ENTPD4: variants seen among roughly 807,000 people sequenced by gnomAD.
ENTPD4 encodes the protein Golgi UDPase.
ENTPD4 carries 60 observed loss-of-function variants against 79.1 expected under a neutral mutation model. The ratio of observed to expected loss-of-function variants is 0.76; its 90% CI spans 0.62 to 0.94. The LOEUF (loss-of-function observed/expected upper bound fraction) is 0.94, where lower values mean the gene tolerates loss of function less well. Among genes scored for constraint, ENTPD4 ranks in the 40% least tolerant of loss-of-function variants. The pLI, the probability that ENTPD4 is intolerant of heterozygous loss-of-function variation, is 0.00. For missense variants in ENTPD4, 772 were observed against 775.1 expected (o/e 1.00, Z 0.05); for synonymous variants, 276 against 292.0 (o/e 0.95, Z 0.56).
chr8:23,437,399 C>T (rs1800586719), intron 9 of ENTPD4, 141 bp from the exon 10 acceptor site: 1 of 625,688 alleles, frequency 1.6e-6, no homozygotes. Context: ...GAAAAGGGTT[C>T]CGAGATAATT....
chr8:23,450,067 G>T (rs11777391), intron 1 of ENTPD4, 70 bp from the exon 2 acceptor site: 253,663 of 781,338 alleles, frequency 0.32, 42,272 homozygotes, highest in East Asian at 0.44. Context: ...CTTTAAGTGT[G>T]TGCTTAAATC....
Position 23,433,031 on chromosome 8 carries a change from C to G in ENTPD4, c.1746G>C (p.Leu582=). The change falls in exon 13 of 13, where the codon CTG becomes CTC. Residue 582 remains leucine (L), a synonymous_variant. Coordinates refer to ENST00000358689, the MANE Select transcript of ENTPD4 (RefSeq NM_004901.5). The stretch of plus-strand genomic sequence containing the variant: ...GCCTGTGGATGCGCCGCAGCCGCAG[C>G]AGGTACAGCAGGATGGCCAGCAGCA... ...LVVLLAILLY[L]LRLRRIHRRT... is the part of the protein sequence containing the mutation. 6.2e-7 allele frequency: 1 copy of G among 1,614,118 alleles called. No homozygotes were observed. The highest frequency in any genetic ancestry group is 8.5e-7 in the Non-Finnish European group (1 of 1,180,016).
At position 23,457,636 on chromosome 8, in the gene ENTPD4, C is replaced by G. The variant is rs1422482335; in HGVS notation, c.-177G>C. 6.6e-6 allele frequency: 1 copy of G among 151,780 alleles called. No homozygotes were observed. The highest frequency in any genetic ancestry group is 6.6e-5 in the Admixed American group (1 of 15,234). 9.4% of individuals were successfully genotyped at this position (151,780 alleles called of 1,614,324 possible). On this transcript the variant is annotated 5_prime_UTR_variant, in exon 1 of 13. Coordinates refer to ENST00000358689, the MANE Select transcript of ENTPD4 (RefSeq NM_004901.5). ...CGGCCAGCCGGCTTCCTGGAGGCCGCGCTCCTTTCCTGGAGCCGCACCCCC... is the reference window on the plus strand; with the variant it reads ...CGGCCAGCCGGCTTCCTGGAGGCCGGGCTCCTTTCCTGGAGCCGCACCCCC...
chr8:23,441,622 T>C lies in ENTPD4; in HGVS notation c.829A>G (p.Thr277Ala). 1 of 1,614,038 alleles carries C rather than the reference T, an allele frequency of 6.2e-7. No homozygotes were observed. Among genetic ancestry groups the C allele is most frequent in the Non-Finnish European group, 8.5e-7 (1 of 1,180,016 alleles). ...TTGGGGACTTCGTACGCTATCTGAG[T>C]CGACACGCCGCCCATGTCGAGAATG... ...AGILDMGGVS[T>A]QIAYEVPKTV... The change falls in exon 8 of 13, where the codon ACT becomes GCT. Residue 277 changes from threonine (T) to alanine (A), a missense_variant. Coordinates refer to ENST00000358689, the MANE Select transcript of ENTPD4 (RefSeq NM_004901.5).
intron 9 of ENTPD4, 55 bp from the exon 10 acceptor site, chr8:23,437,313 G>A: frequency 7.3e-7 from 1 of 1,373,026 alleles, no homozygotes. Context: ...GTGTTTTCAG[G>A]AAGTGGCTGC....
rs141362003 is a variant in ENTPD4, at chr8:23,431,894, G to A, written c.*1032C>T. ...TGGAATAAGGAGCGTAATTACCTGC[G>A]GTCAGGAAAAGATAACAGTAACGAG... On this transcript the variant is annotated 3_prime_UTR_variant, in exon 13 of 13. Coordinates refer to ENST00000358689, the MANE Select transcript of ENTPD4 (RefSeq NM_004901.5). 198 of 985,286 alleles carry A rather than the reference G, an allele frequency of 2.0e-4. No individual in the cohort carries two copies. In the African/African-American group the frequency reaches 2.1e-3, roughly 11 times the overall value. 61.0% of individuals were successfully genotyped at this position (985,286 alleles called of 1,614,324 possible).
intron 1 of ENTPD4, among the ~76,000 whole-genome samples, chr8:23,455,004 T>G (rs1800933339): frequency 6.6e-6 from 1 of 152,162 alleles, no homozygotes; most frequent in African/African-American, 2.4e-5. Flanking sequence ...AAGCCTAAAT[T>G]GTGTTAGACC....
At chr8:23,434,034 G>A (rs1800509465) in intron 12 of ENTPD4, 3 of 401,494 alleles carry the variant, frequency 7.5e-6, no homozygotes, top group South Asian at 4.8e-5. Context: ...TAAGAACCCC[G>A]GAACTGACCC....
chr8:23,449,308 T>C (rs891945804), intron 2 of ENTPD4, among the ~76,000 whole-genome samples: 1 of 152,194 alleles, frequency 6.6e-6, no homozygotes, highest in African/African-American at 2.4e-5. Context: ...GTAAGGATGA[T>C]GAGACCAAAC....
rs1554488490 is a variant in ENTPD4, at chr8:23,434,531, G to GCGCA, written c.1461-54_1461-53insTGCG. On this transcript the variant is annotated intron_variant, in intron 11 of 12. Transcript: ENST00000358689. ...CAGACTGACTCACTCTGTCAAGATG[G>GCGCA]CACACACACACACACACACACAATC... is the stretch of plus-strand genomic sequence containing the variant. 6 of 1,476,810 alleles carry GCGCA rather than the reference G, an allele frequency of 4.1e-6. No individual in the cohort carries two copies. In the African/African-American group the frequency reaches 8.5e-5, roughly 21 times the overall value. The allele number at this position is 1,476,810 out of a possible 1,614,324, so 91.5% of individuals were successfully genotyped here. A position where few individuals can be genotyped will look rare whatever the true frequency, so the allele number is the denominator to read the frequency against.
chr8:23,440,591 G>C (rs17089265), intron 8 of ENTPD4, among the ~76,000 whole-genome samples: 15,988 of 152,164 alleles, frequency 0.11, 1,104 homozygotes, highest in East Asian at 0.28. Flanking sequence ...ACAGTCTCTA[G>C]AGGCATGTCT....
At chr8:23,453,761 T>C (rs536647224) in intron 1 of ENTPD4, among the ~76,000 whole-genome samples, 2 of 152,236 alleles carry the variant, frequency 1.3e-5, no homozygotes, top group East Asian at 1.9e-4. Flanking sequence ...TATCCTCTGC[T>C]CTACCCATCA....
intron 8 of ENTPD4, among the ~76,000 whole-genome samples, chr8:23,440,544 T>C (rs1800650309): frequency 1.3e-5 from 2 of 152,112 alleles, no homozygotes; most frequent in Admixed American, 6.5e-5. Context: ...TTACTTTATA[T>C]TGAGAGGGAA....
chr8:23,447,816 C>A lies in ENTPD4; in HGVS notation c.276G>T (p.Val92=). 6.2e-7 allele frequency: 1 copy of A among 1,614,200 alleles called. No homozygotes were observed. Among genetic ancestry groups the A allele is most frequent in the South Asian group, 1.1e-5 (1 of 91,082 alleles). Residue 92 remains valine (V), a synonymous_variant, in exon 4 of 13, where the codon GTG becomes GTT. Transcript: ENST00000358689. ...GAGACCCACTGCTACCACAGTCCAC[C>A]ACGATCCCATAGTTCACATTGGGGT... The part of the protein sequence containing the change: ...TNNPNVNYGI[V]VDCGSSGSRV...
Position 23,432,951 on chromosome 8 carries a change from G to A in ENTPD4, c.1826C>T (p.Ala609Val). 3.1e-6 allele frequency: 5 copies of A among 1,609,072 alleles called. No individual in the cohort carries two copies. The highest frequency in any genetic ancestry group is 3.4e-6 in the Non-Finnish European group (4 of 1,177,578). Residue 609 changes from alanine (A) to valine (V), a missense_variant, in exon 13 of 13, where the codon GCC becomes GTC. By Grantham distance (64) the Ala-to-Val change is moderately conservative. Coordinates refer to ENST00000358689, the MANE Select transcript of ENTPD4 (RefSeq NM_004901.5). ...AALWMEEGLP[A>V]QNAPGTL Reference sequence around the variant, plus strand: ...TCACAAGGTCCCCGGGGCATTCTGGGCGGGAAGGCCCTCCTCCATCCAGAG... The same window carrying A: ...TCACAAGGTCCCCGGGGCATTCTGGACGGGAAGGCCCTCCTCCATCCAGAG...
rs777825999 is a variant in ENTPD4 at position 23,433,120 on chromosome 8, T to C, written c.1657A>G (p.Thr553Ala). ...IQQEAFRASH[T>A]HWRGVSFVYN... ...ACAAAGGAAACGCCCCGCCAGTGGG[T>C]GTGACTGGCTCGGAAGGCCTCCTGC... The change falls in exon 13 of 13, where the codon ACC becomes GCC. Residue 553 changes from threonine (T) to alanine (A), a missense_variant. Coordinates refer to ENST00000358689, the MANE Select transcript of ENTPD4 (RefSeq NM_004901.5). 6.2e-7 allele frequency: 1 copy of C among 1,614,120 alleles called. No homozygotes were observed. Among genetic ancestry groups the C allele is most frequent in the Non-Finnish European group, 8.5e-7 (1 of 1,180,024 alleles).
In ENTPD4 at chr8:23,431,632, C is replaced by T. The variant is rs889123284; in HGVS notation, c.*1294G>A. The T allele has an allele frequency of 1.9e-4, 184 of 985,228 alleles. 1 individual carries two copies. Among genetic ancestry groups the T allele is most frequent in the South Asian group, 4.7e-4 (10 of 21,276 alleles). 61.0% of individuals were successfully genotyped at this position (985,228 alleles called of 1,614,324 possible). A position where few individuals can be genotyped will look rare whatever the true frequency, so the allele number is the denominator to read the frequency against. On this transcript the variant is annotated 3_prime_UTR_variant, in exon 13 of 13. Coordinates refer to ENST00000358689, the MANE Select transcript of ENTPD4 (RefSeq NM_004901.5). ...AGTCAATGCGGTTAGGAAGAGGACT[C>T]GGCAGGCTGTGCATGGGGTCTCCCA...
At chr8:23,455,655 A>G (rs1471761646) in intron 1 of ENTPD4, among the ~76,000 whole-genome samples, 1 of 152,132 alleles carries the variant, frequency 6.6e-6, no homozygotes, top group Non-Finnish European at 1.5e-5. Context: ...TCCCATTTTA[A>G]GTAGTCTTTT....
At chr8:23,456,466 G>A (rs1371297671) in intron 1 of ENTPD4, among the ~76,000 whole-genome samples, 1 of 152,148 alleles carries the variant, frequency 6.6e-6, no homozygotes, top group South Asian at 2.1e-4. Context: ...GAGTAAATAC[G>A]TAGAGAATAT....
Sources: allele counts gnomAD v4.1 joint callset (sites outside exome capture counted in the v4.1 genomes callset), GRCh38; gene constraint gnomAD v4.1.1; transcripts MANE v1.5; gene names NCBI Gene and HGNC (gene_info 2026-07-23, HGNC 2026-07-21).